NEB: variants seen among roughly 807,000 people sequenced by gnomAD.
NEB encodes the protein nebulin, also known as nemaline myopathy type 2.
In NEB, 512 loss-of-function variants were observed where a neutral mutation model predicts 952.2. That is an observed-to-expected ratio of 0.54 (90% CI 0.50 to 0.58). The LOEUF is 0.58. Among genes scored for constraint, NEB ranks in the 20% least tolerant of loss-of-function variants. The pLI is 0.00. For missense variants in NEB, 8,428 were observed against 9,231.1 expected (o/e 0.91, Z 3.56); for synonymous variants, 2,900 against 3,149.8 (o/e 0.92, Z 2.66).
intron 169 of NEB, among the ~76,000 whole-genome samples, chr2:151,498,620 C>G (rs1036702119): frequency 6.6e-6 from 1 of 152,000 alleles, no homozygotes; most frequent in Non-Finnish European, 1.5e-5. Flanking sequence ...ACTGAGCAAC[C>G]GTGAAAGAGC....
chr2:151,507,121 G>A, intron 162 of NEB, 108 bp from the exon 163 acceptor site: 1 of 697,054 alleles, frequency 1.4e-6, no homozygotes, highest in South Asian at 1.8e-5. Context: ...TTAAAAAAAA[G>A]TCTATGCACA....
rs1049473232 is a variant in NEB at position 151,541,615 on chromosome 2, T to C, written c.20578-64A>G. 26 of 1,248,736 alleles carry C rather than the reference T, an allele frequency of 2.1e-5. No individual in the cohort carries two copies. The Admixed American group carries it at 4.5e-4, about 22-fold the overall frequency. The allele number at this position is 1,248,736 out of a possible 1,614,324, so 77.4% of individuals were successfully genotyped here. On this transcript the variant is annotated intron_variant, in intron 135 of 181. Coordinates refer to ENST00000397345, the MANE Select transcript of NEB (RefSeq NM_001164508.2). ...ATGGGCATGTTATGTTCTCTGCAGA[T>C]GCCTTCACTGCTTTTACATAGAAAA...
chr2:151,644,325 T>G (rs938562768), intron 56 of NEB, 143 bp downstream of exon 56: 1 of 1,048,696 alleles, frequency 9.5e-7, no homozygotes. Flanking sequence ...CTTGATCTTA[T>G]CCTCATCCCA....
In NEB at chr2:151,490,415, G is replaced by T. The variant is rs772986313; in HGVS notation, c.25254C>A (p.His8418Gln). 6.3e-7 allele frequency: 1 copy of T among 1,598,892 alleles called. No homozygotes were observed. The highest frequency in any genetic ancestry group is 1.1e-5 in the South Asian group (1 of 88,144). The change falls in exon 180 of 182, where the codon CAC becomes CAA. Residue 8418 changes from histidine (H) to glutamine (Q), a missense_variant. His to Gln is a conservative substitution (Grantham distance 24). This residue lies in a region of NEB where 3,374 missense variants were observed against 3,651.5 expected (regional missense o/e 0.92). Transcript: ENST00000397345. The stretch of plus-strand genomic sequence containing the variant: ...CACCCCCGTCGCTGTAAGTCGAAAG[G>T]TGGTGGTCTGGTGCTTCTGAATGCT... ...KSEHSEAPDH[H>Q]LSTYSDGGVF...
chr2:151,690,691 T>C, intron 24 of NEB, 36 bp downstream of exon 24: 1 of 1,457,262 alleles, frequency 6.9e-7, no homozygotes, highest in East Asian at 2.4e-5. Context: ...CAAAGCACTC[T>C]GGGTCACCCA....
intron 145 of NEB, 97 bp from the exon 146 acceptor site, chr2:151,529,411 C>T: frequency 2.5e-6 from 2 of 787,594 alleles, no homozygotes; most frequent in South Asian, 1.5e-5. Flanking sequence ...GACTATAGTA[C>T]ACAATGCTCC....
chr2:151,540,872 T>C (rs2093947961), intron 136 of NEB, 71 bp from the exon 137 acceptor site: 14 of 1,299,866 alleles, frequency 1.1e-5, no homozygotes, highest in Non-Finnish European at 1.6e-5. Flanking sequence ...TCCACTTCAT[T>C]CATTTCTAAC....
chr2:151,708,803 T>C (rs1234655060), intron 12 of NEB, among the ~76,000 whole-genome samples: 1 of 152,184 alleles, frequency 6.6e-6, no homozygotes, highest in East Asian at 1.9e-4. Flanking sequence ...GTCTTCCCTG[T>C]CTCAATAAAG....
Position 151,617,487 on chromosome 2 carries a change from A to AGAG in NEB, c.11077-20_11077-19insCTC, listed in dbSNP as rs1553905611. The AGAG allele has an allele frequency of 2.9e-6, 3 of 1,034,712 alleles. No homozygotes were observed. Among genetic ancestry groups the AGAG allele is most frequent in the Non-Finnish European group, 4.1e-6 (3 of 737,216 alleles). The allele number at this position is 1,034,712 out of a possible 1,614,324, so 64.1% of individuals were successfully genotyped here. On this transcript the variant is annotated intron_variant, in intron 74 of 181. Transcript: ENST00000397345. ...ATAAGCGCTACAAAAAAAAAAAAAA[A>AGAG]AGAGAGAGAGAGAGAGAAAAATTAT...
In NEB at chr2:151,663,603, A is replaced by G; in HGVS notation, c.5708T>C (p.Leu1903Pro). The change falls in exon 45 of 182, where the codon CTT (leucine) becomes CCT (proline). Residue 1903 changes from leucine (L) to proline (P), a missense_variant. Transcript: ENST00000397345. ...YRNVIHTYNMLPDAMSFELAK... is the reference protein window; with the variant it reads ...YRNVIHTYNMPPDAMSFELAK... The stretch of plus-strand genomic sequence containing the variant: ...CAATTCAAAGCTCATGGCATCAGGA[A>G]GCATGTTGTAGGTATGGATCACGTT... 6.2e-7 allele frequency: 1 copy of G among 1,613,534 alleles called. No homozygotes were observed. Among genetic ancestry groups the G allele is most frequent in the Non-Finnish European group, 8.5e-7 (1 of 1,179,524 alleles).
chr2:151,631,250 G>A lies in NEB; in HGVS notation c.9511C>T (p.Leu3171=). ...GGCTGGCGGTAGATGTTATCACTCA[G>A]TATTTCGGTAGCTCTCTTGCACTTG... ...VVKCKRATEI[L]SDNIYRQPPD... is the part of the protein sequence containing the mutation. The change falls in exon 66 of 182, where the codon CTG becomes TTG. Residue 3171 remains leucine, a synonymous_variant. Coordinates refer to ENST00000397345, the MANE Select transcript of NEB (RefSeq NM_001164508.2). The A allele has an allele frequency of 1.2e-6, 2 of 1,613,928 alleles. No homozygotes were observed. Among genetic ancestry groups the A allele is most frequent in the Non-Finnish European group, 1.7e-6 (2 of 1,179,852 alleles).
At chr2:151,491,987 G>GA in intron 178 of NEB, 111 bp downstream of exon 178, 1 of 1,227,010 alleles carries the variant, frequency 8.1e-7, no homozygotes, top group Non-Finnish European at 1.2e-6. Flanking sequence ...TGCACCTCTA[G>GA]AAAAACAGAT....
At chr2:151,520,830 C>T (rs933581510) in intron 153 of NEB, among the ~76,000 whole-genome samples, 3 of 152,096 alleles carry the variant, frequency 2.0e-5, no homozygotes, top group African/African-American at 7.3e-5. Flanking sequence ...CACCACTGCA[C>T]TCCATCGTGG....
intron 117 of NEB, among the ~76,000 whole-genome samples, chr2:151,564,469 TAA>T (rs1032599492): frequency 6.6e-6 from 1 of 152,160 alleles, no homozygotes; most frequent in African/African-American, 2.4e-5. Context: ...AGGCATTTTA[TAA>T]GAGTTGACTA....
chr2:151,715,648 T>C (rs878963816), intron 10 of NEB, among the ~76,000 whole-genome samples: 1 of 152,098 alleles, frequency 6.6e-6, no homozygotes, highest in African/African-American at 2.4e-5. Context: ...CAGGAAGGGG[T>C]CTCTCACCAG....
rs537101142 is a variant in NEB at position 151,671,759 on chromosome 2, A to G, written c.4300-530T>C. The stretch of plus-strand genomic sequence containing the variant: ...AGGCTATGCTTGAGCTCATCTGGGG[A>G]GCAATATTTTTATCGAGTGCCAATA... On this transcript the variant is annotated intron_variant, in intron 37 of 181. Coordinates refer to ENST00000397345, the MANE Select transcript of NEB (RefSeq NM_001164508.2). Among the ~76,000 whole-genome samples, 162 of 152,310 alleles carry G rather than the reference A, an allele frequency of 1.1e-3. 2 individuals are homozygous for G. The highest frequency in any genetic ancestry group is 3.4e-3 in the African/African-American group (140 of 41,572).
At chr2:151,524,209 A>T in intron 153 of NEB, 102 bp downstream of exon 153, 1 of 974,174 alleles carries the variant, frequency 1.0e-6, no homozygotes, top group South Asian at 1.5e-5. Context: ...ACTATTACAG[A>T]CCCAGCATCC....
chr2:151,631,910 T>C (rs1373680110), intron 65 of NEB, among the ~76,000 whole-genome samples: 2 of 152,232 alleles, frequency 1.3e-5, no homozygotes, highest in African/African-American at 4.8e-5. Flanking sequence ...TGTATTCTTC[T>C]ATACATTTCA....
chr2:151,649,369 TATATG>T (rs766739681), intron 54 of NEB, among the ~76,000 whole-genome samples: 1 of 152,160 alleles, frequency 6.6e-6, no homozygotes, highest in Non-Finnish European at 1.5e-5. Context: ...AAACTTCTGA[TATATG>T]ATATATGTAA....
Sources: allele counts gnomAD v4.1 joint callset (sites outside exome capture counted in the v4.1 genomes callset), GRCh38; gene constraint gnomAD v4.1.1; regional missense constraint gnomAD v4.1.1; transcripts MANE v1.5; gene names NCBI Gene and HGNC (gene_info 2026-07-23, HGNC 2026-07-21).